The following NELL1 variants were observed in gnomAD, a reference collection of about 807,000 sequenced individuals.
NELL1 encodes neural EGFL like 1.
NELL1 carries 76 observed loss-of-function variants against 107.4 expected under a neutral mutation model. The observed-to-expected ratio is 0.71, with a 90% CI of 0.59 to 0.86. NELL1 has a LOEUF of 0.86. NELL1 is among the 40% of genes least tolerant of loss of function. The pLI is 0.00. For missense variants in NELL1, 1,024 were observed against 1,005.5 expected (o/e 1.02, Z -0.25); for synonymous variants, 353 against 341.2 (o/e 1.03, Z -0.38).
chr11:21,395,666 T>A (rs1851964337), intron 15 of NELL1, among the ~76,000 whole-genome samples: 1 of 151,562 alleles, frequency 6.6e-6, no homozygotes, highest in Non-Finnish European at 1.5e-5. Flanking sequence ...ATTTCTCTAT[T>A]ATTTACTAGT....
At chr11:20,836,344 C>T (rs932269776) in intron 3 of NELL1, among the ~76,000 whole-genome samples, 2 of 151,444 alleles carry the variant, frequency 1.3e-5, no homozygotes, top group African/African-American at 2.4e-5. Flanking sequence ...TTGTTTATTG[C>T]TGGTCTGAGT....
At chr11:21,484,464 A>T (rs1187743250) in intron 15 of NELL1, among the ~76,000 whole-genome samples, 2 of 151,882 alleles carry the variant, frequency 1.3e-5, no homozygotes, top group African/African-American at 2.4e-5. Flanking sequence ...TTATTCTTCC[A>T]CATCTTCATG....
intron 14 of NELL1, among the ~76,000 whole-genome samples, chr11:21,241,231 T>C (rs912300605): frequency 6.6e-6 from 1 of 152,124 alleles, no homozygotes; most frequent in African/African-American, 2.4e-5. Flanking sequence ...GGCTATCTAC[T>C]GGATTATGAT....
At chr11:20,750,818 T>C (rs988029205) in intron 2 of NELL1, among the ~76,000 whole-genome samples, 7 of 152,122 alleles carry the variant, frequency 4.6e-5, no homozygotes, top group Admixed American at 1.3e-4. Flanking sequence ...TAACTCCTGA[T>C]CTCAAGGAAT....
chr11:20,814,587 A>T (rs549169254), intron 3 of NELL1, among the ~76,000 whole-genome samples: 1 of 152,360 alleles, frequency 6.6e-6, no homozygotes, highest in East Asian at 1.9e-4. Flanking sequence ...ACTTAGGATA[A>T]CGTCCTTCAG....
intron 12 of NELL1, among the ~76,000 whole-genome samples, chr11:21,106,235 C>G (rs1214752962): frequency 1.3e-5 from 2 of 152,044 alleles, no homozygotes; most frequent in Non-Finnish European, 2.9e-5. Flanking sequence ...CTGAACTCCT[C>G]TCCTGGCAGT....
At chr11:21,156,329 G>A (rs75333101) in intron 13 of NELL1, among the ~76,000 whole-genome samples, 7,485 of 152,246 alleles carry the variant, frequency 0.049, 254 homozygotes, top group South Asian at 0.12. Context: ...CTCCAGCAGG[G>A]CACAGTTGCC....
intron 5 of NELL1, among the ~76,000 whole-genome samples, chr11:20,888,788 TG>T (rs1849560548): frequency 6.6e-6 from 1 of 152,168 alleles, no homozygotes; most frequent in African/African-American, 2.4e-5. Flanking sequence ...TGCTAGCAGG[TG>T]GCAGGATGAT....
intron 16 of NELL1, among the ~76,000 whole-genome samples, chr11:21,538,586 A>T (rs1209749989): frequency 3.3e-5 from 5 of 152,146 alleles, no homozygotes; most frequent in African/African-American, 1.2e-4. Context: ...TTGTAAATTA[A>T]TATTTGCAGA....
intron 2 of NELL1, among the ~76,000 whole-genome samples, chr11:20,726,718 G>A (rs1200329046): frequency 1.3e-5 from 2 of 151,984 alleles, no homozygotes; most frequent in African/African-American, 4.8e-5. Context: ...TTTACATTAG[G>A]TATTTCTCCT....
intron 15 of NELL1, among the ~76,000 whole-genome samples, chr11:21,398,436 T>C (rs1852027640): frequency 6.6e-6 from 1 of 151,750 alleles, no homozygotes; most frequent in South Asian, 2.1e-4. Context: ...AGTCCAGCTT[T>C]ATAGAAAGTT....
chr11:21,499,065 C>A (rs545712041), intron 15 of NELL1, among the ~76,000 whole-genome samples: 2 of 151,938 alleles, frequency 1.3e-5, no homozygotes, highest in African/African-American at 4.8e-5. Flanking sequence ...ATCTTTGTTA[C>A]ATGTTTGTTA....
intron 12 of NELL1, among the ~76,000 whole-genome samples, chr11:21,102,884 A>C (rs1039067202): frequency 1.7e-4 from 26 of 152,206 alleles, no homozygotes; most frequent in African/African-American, 6.3e-4. Context: ...GTGATTTTTT[A>C]AGAACCAGCT....
At chr11:21,218,332 C>T (rs548933486) in intron 13 of NELL1, among the ~76,000 whole-genome samples, 6 of 152,078 alleles carry the variant, frequency 3.9e-5, no homozygotes, top group Non-Finnish European at 5.9e-5. Context: ...AAAGATTTCT[C>T]GATCAATTTT....
intron 14 of NELL1, among the ~76,000 whole-genome samples, chr11:21,350,225 T>C (rs1258704103): frequency 1.3e-5 from 2 of 152,150 alleles, no homozygotes; most frequent in Non-Finnish European, 2.9e-5. Context: ...AATTCTTGGG[T>C]ATAACTATTG....
At chr11:21,416,432 G>T (rs1428259295) in intron 15 of NELL1, among the ~76,000 whole-genome samples, 2 of 152,068 alleles carry the variant, frequency 1.3e-5, no homozygotes, top group African/African-American at 4.8e-5. Context: ...CTGAACCTGT[G>T]CTTCCTGCAT....
intron 14 of NELL1, among the ~76,000 whole-genome samples, chr11:21,367,296 A>T (rs1178545444): frequency 7.9e-6 from 1 of 126,572 alleles, no homozygotes; most frequent in Non-Finnish European, 1.8e-5. Context: ...ACACACACAC[A>T]CACACAATCT....
chr11:21,374,415 A>G, intron 15 of NELL1, among the ~76,000 whole-genome samples: 1 of 152,020 alleles, frequency 6.6e-6, no homozygotes, highest in Non-Finnish European at 1.5e-5. Context: ...TCCACAGGCT[A>G]CGTGAGAGGC....
intron 13 of NELL1, among the ~76,000 whole-genome samples, chr11:21,173,562 C>T (rs1309914335): frequency 6.6e-6 from 1 of 151,836 alleles, no homozygotes; most frequent in Non-Finnish European, 1.5e-5. Flanking sequence ...TTCTTGCCTT[C>T]AGTTTAGTTC....
Sources: gnomAD v4.1 joint callset for allele counts (sites outside exome capture counted in the v4.1 genomes callset) on GRCh38, gnomAD v4.1.1 for gene constraint, MANE v1.5 for transcripts, NCBI Gene and HGNC (gene_info 2026-07-23, HGNC 2026-07-21) for gene names.